Variants in MMP20 observed in about 807,000 individuals in gnomAD.
MMP20 encodes matrix metallopeptidase 20.
A neutral mutation model predicts 51.8 loss-of-function variants in MMP20; 50 were observed. The ratio of observed to expected loss-of-function variants is 0.97; its 90% CI spans 0.77 to 1.22. The LOEUF is 1.22. MMP20 is among the 50% of genes most tolerant of loss of function. MMP20 has a pLI of 0.00. For missense variants in MMP20, 663 were observed against 601.4 expected, an observed-to-expected ratio of 1.10 and a Z score of -1.07; for synonymous variants, 244 against 216.2, an observed-to-expected ratio of 1.13 and a Z score of -1.13.
intron 8 of MMP20, among the ~76,000 whole-genome samples, chr11:102,589,914 T>C (rs780142493): frequency 6.6e-6 from 1 of 152,182 alleles, no homozygotes; most frequent in African/African-American, 2.4e-5. Context: ...ATTTCTAGTA[T>C]TTCTGAGGCA....
chr11:102,602,116 A>AT lies in MMP20; in HGVS notation c.953+4418dup, dbSNP rs10593493. On this transcript the variant is annotated intron_variant, in intron 6 of 9. Coordinates refer to ENST00000260228, the MANE Select transcript of MMP20 (RefSeq NM_004771.4). The stretch of plus-strand genomic sequence containing the variant: ...AGGCGCCCACCACCACGCCCGGCTA[A>AT]TTTTTTTTTTTTTTTTTTTTTTTTT... Among the ~76,000 whole-genome samples, 539 of 109,618 alleles carry AT rather than the reference A, an allele frequency of 4.9e-3. 1 individual carries two copies. Among genetic ancestry groups the AT allele is most frequent in the African/African-American group, 1.0e-2 (264 of 26,462 alleles). 71.9% of individuals were successfully genotyped at this position (109,618 alleles called of 152,430 possible).
chr11:102,592,602 G>A (rs1303069422), intron 8 of MMP20, among the ~76,000 whole-genome samples: 1 of 152,220 alleles, frequency 6.6e-6, no homozygotes, highest in Non-Finnish European at 1.5e-5. Flanking sequence ...TTGGAACAAA[G>A]TTGGGTGCTC....
At chr11:102,621,898 G>A (rs1859755508) in intron 1 of MMP20, among the ~76,000 whole-genome samples, 1 of 152,104 alleles carries the variant, frequency 6.6e-6, no homozygotes, top group African/African-American at 2.4e-5. Context: ...TTAACAGTGT[G>A]TATTTTCATT....
At chr11:102,587,143 T>C (rs1457165356) in intron 8 of MMP20, among the ~76,000 whole-genome samples, 2 of 152,140 alleles carry the variant, frequency 1.3e-5, no homozygotes, top group South Asian at 2.1e-4. Context: ...TTCTGGTATG[T>C]TGTATTTTAA....
chr11:102,621,238 A>G (rs1295769607), intron 1 of MMP20, among the ~76,000 whole-genome samples: 5 of 152,208 alleles, frequency 3.3e-5, no homozygotes, highest in African/African-American at 1.2e-4. Context: ...TTATGGCTAC[A>G]TGGCTGTGAT....
Position 102,609,004 on chromosome 11 carries a change from A to T in MMP20, c.744T>A (p.Tyr248Ter). The change falls in exon 5 of 10, where the codon TAT becomes TAA. Residue 248 changes from tyrosine to a stop codon, truncating the protein, a stop_gained. Coordinates refer to ENST00000260228, the MANE Select transcript of MMP20 (RefSeq NM_004771.4). LOFTEE classifies it high-confidence loss of function. ...GGAATCCATAGGGATTCTTGTACTT[A>T]TAAGTTGGGTACATCAGTGCTGATG... ...TDPSALMYPT[Y>*]KYKNPYGFHL... 6.2e-7 allele frequency: 1 copy of T among 1,614,114 alleles called. No homozygotes were observed. The highest frequency in any genetic ancestry group is 8.5e-7 in the Non-Finnish European group (1 of 1,179,964).
At chr11:102,606,750 G>C (rs1591618335) in intron 5 of MMP20, 74 bp from the exon 6 acceptor site, 1 of 1,563,162 alleles carries the variant, frequency 6.4e-7, no homozygotes, top group Non-Finnish European at 8.8e-7. Flanking sequence ...TAGAGCCCCA[G>C]GGGAGGTTGT....
At chr11:102,613,967 G>C (rs1859635045) in intron 2 of MMP20, among the ~76,000 whole-genome samples, 2 of 152,168 alleles carry the variant, frequency 1.3e-5, no homozygotes, top group African/African-American at 4.8e-5. Flanking sequence ...AAGGAGAGAG[G>C]GATAGCACCA....
intron 6 of MMP20, among the ~76,000 whole-genome samples, chr11:102,603,493 T>C (rs1455350140): frequency 2.6e-5 from 4 of 152,214 alleles, no homozygotes; most frequent in Admixed American, 2.6e-4. Context: ...TATGTACTCT[T>C]GAACAAGTTG....
chr11:102,609,797 G>GC, intron 4 of MMP20, 108 bp downstream of exon 4: 2 of 1,509,652 alleles, frequency 1.3e-6, no homozygotes, highest in Non-Finnish European at 1.8e-6. Context: ...TTCCTAGCCA[G>GC]CCCCCCTAGT....
intron 9 of MMP20, among the ~76,000 whole-genome samples, chr11:102,578,170 G>T (rs1859148618): frequency 6.6e-6 from 1 of 151,532 alleles, no homozygotes; most frequent in South Asian, 2.1e-4. Flanking sequence ...TTGAGACAGG[G>T]TATCACTCTG....
chr11:102,598,694 C>T (rs907695078), intron 6 of MMP20, among the ~76,000 whole-genome samples: 6 of 152,202 alleles, frequency 3.9e-5, no homozygotes, highest in African/African-American at 1.4e-4. Flanking sequence ...ATTCCTCCTC[C>T]AGCATCATGT....
chr11:102,593,732 T>C lies in MMP20; in HGVS notation c.1091-137A>G. The C allele has an allele frequency of 5.3e-6, 5 of 947,024 alleles. No individual in the cohort carries two copies. In the South Asian group the frequency reaches 6.0e-5, roughly 11 times the overall value. The allele number at this position is 947,024 out of a possible 1,614,324, so 58.7% of individuals were successfully genotyped here. A position where few individuals can be genotyped will look rare whatever the true frequency, so the allele number is the denominator to read the frequency against. On this transcript the variant is annotated intron_variant, in intron 7 of 9. Coordinates refer to ENST00000260228, the MANE Select transcript of MMP20 (RefSeq NM_004771.4). ...CATGGCTATAACCCAACAAGAGATATAAGCTTCTAACTATTCAGTTCAGTA... is the reference window on the plus strand; with the variant it reads ...CATGGCTATAACCCAACAAGAGATACAAGCTTCTAACTATTCAGTTCAGTA...
intron 8 of MMP20, among the ~76,000 whole-genome samples, chr11:102,590,181 T>C (rs1359425401): frequency 1.3e-5 from 2 of 152,002 alleles, no homozygotes; most frequent in Non-Finnish European, 2.9e-5. Context: ...CAAGGAAGAA[T>C]ATGTAAAAGG....
intron 5 of MMP20, chr11:102,607,926 G>A (rs1055957715): frequency 6.6e-6 from 1 of 152,052 alleles, no homozygotes; most frequent in African/African-American, 2.4e-5. Flanking sequence ...GTCCCTCAAG[G>A]GTCAGGCAGA....
rs1275129666 is a variant in MMP20 at position 102,616,935 on chromosome 11, G to A, written c.251C>T (p.Thr84Ile). The change falls in exon 2 of 10, where the codon ACC (threonine) becomes ATC (isoleucine). Residue 84 changes from threonine (T) to isoleucine (I), a missense_variant. Physicochemically the swap from Thr to Ile is moderately conservative, Grantham distance 89 (BLOSUM62 -1). Coordinates refer to ENST00000260228, the MANE Select transcript of MMP20 (RefSeq NM_004771.4). Reference sequence around the variant, plus strand: ...CATTGTGGTCTGGTCTAACTTCCCGGTGACTTGGAGGCCAAAGAACGCTTG... The same window carrying A: ...CATTGTGGTCTGGTCTAACTTCCCGATGACTTGGAGGCCAAAGAACGCTTG... ...ELQAFFGLQV[T>I]GKLDQTTMNV... 1 of 1,614,210 alleles carries A rather than the reference G, an allele frequency of 6.2e-7. No individual in the cohort carries two copies. Among genetic ancestry groups the A allele is most frequent in the African/African-American group, 1.3e-5 (1 of 75,050 alleles).
chr11:102,623,002 G>A (rs1859769836), intron 1 of MMP20, among the ~76,000 whole-genome samples: 1 of 152,178 alleles, frequency 6.6e-6, no homozygotes. Flanking sequence ...CTGAGGACCA[G>A]GGCCATTGCA....
chr11:102,583,384 T>C lies in MMP20; in HGVS notation c.1248-4242A>G, dbSNP rs140009752. On this transcript the variant is annotated intron_variant, in intron 8 of 9. Coordinates refer to ENST00000260228, the MANE Select transcript of MMP20 (RefSeq NM_004771.4). ...ACATTTCAGGAAATGACAGACCATGTACATGATAGTGGTCCCATAAGATTA... is the reference window on the plus strand; with the variant it reads ...ACATTTCAGGAAATGACAGACCATGCACATGATAGTGGTCCCATAAGATTA... 73 of 152,354 alleles carry C rather than the reference T, an allele frequency of 4.8e-4. 1 individual carries two copies. Among genetic ancestry groups the C allele is most frequent in the African/African-American group, 1.8e-3 (73 of 41,598 alleles). 9.4% of individuals were successfully genotyped at this position (152,354 alleles called of 1,614,324 possible).
At chr11:102,617,182 T>C (rs1344877134) in intron 1 of MMP20, 123 bp from the exon 2 acceptor site, 12 of 1,192,942 alleles carry the variant, frequency 1.0e-5, no homozygotes, top group Non-Finnish European at 1.4e-5. Flanking sequence ...TTCCCATTTA[T>C]GAAAAAAGTA....
Sources: allele counts gnomAD v4.1 joint callset (sites outside exome capture counted in the v4.1 genomes callset), GRCh38; gene constraint gnomAD v4.1.1; transcripts MANE v1.5; gene names NCBI Gene and HGNC (gene_info 2026-07-23, HGNC 2026-07-21).